The following GALNT3 variants were observed in gnomAD, a reference collection of about 807,000 sequenced individuals.
GALNT3 encodes the protein GalNAc transferase 3.
GALNT3 carries 51 observed loss-of-function variants against 69.8 expected under a neutral mutation model. The observed-to-expected ratio is 0.73, with a 90% CI of 0.58 to 0.92. The LOEUF is 0.92. Ranked by LOEUF, GALNT3 falls within the 40% of genes least tolerant of loss-of-function variation. The pLI is 0.00. For synonymous variants in GALNT3, 265 were observed against 248.5 expected, an observed-to-expected ratio of 1.07 and a Z score of -0.63; for missense variants, 711 against 760.0, an observed-to-expected ratio of 0.94 and a Z score of 0.76.
chr2:165,784,383 A>T (rs1349932664), intron 1 of GALNT3, among the ~76,000 whole-genome samples: 1 of 152,226 alleles, frequency 6.6e-6, no homozygotes, highest in African/African-American at 2.4e-5. Context: ...GCTAAAGGCA[A>T]TTAGGATACC....
intron 1 of GALNT3, among the ~76,000 whole-genome samples, chr2:165,791,597 CTT>C (rs1299292212): frequency 6.6e-6 from 1 of 152,064 alleles, no homozygotes; most frequent in African/African-American, 2.4e-5. Context: ...TTTAAAGAAA[CTT>C]AGTGTTAAGG....
At chr2:165,770,865 C>T (rs1484868994) in intron 1 of GALNT3, 57 bp from the exon 2 acceptor site, 3 of 639,966 alleles carry the variant, frequency 4.7e-6, no homozygotes, top group Non-Finnish European at 7.6e-6. Flanking sequence ...AGGCATGGCT[C>T]AATTCATTCA....
chr2:165,782,420 T>A (rs1043605076), intron 1 of GALNT3, among the ~76,000 whole-genome samples: 9 of 151,822 alleles, frequency 5.9e-5, no homozygotes, highest in African/African-American at 2.2e-4. Flanking sequence ...CATAATGTTT[T>A]AAGACAGTTT....
intron 1 of GALNT3, among the ~76,000 whole-genome samples, chr2:165,780,940 A>T (rs565595519): frequency 6.6e-6 from 1 of 152,304 alleles, no homozygotes; most frequent in African/African-American, 2.4e-5. Flanking sequence ...GGTCCACATG[A>T]TAACCTGACA....
At chr2:165,754,143 G>A (rs1462426192) in intron 9 of GALNT3, among the ~76,000 whole-genome samples, 2 of 150,706 alleles carry the variant, frequency 1.3e-5, no homozygotes, top group African/African-American at 2.4e-5. Flanking sequence ...AGGCTGGACC[G>A]CAATTGTGTG....
chr2:165,770,031 T>C, intron 2 of GALNT3, 155 bp downstream of exon 2: 1 of 863,012 alleles, frequency 1.2e-6, no homozygotes, highest in Admixed American at 2.0e-5. Context: ...CCTCAATCAT[T>C]ATAAGCAAAA....
At chr2:165,764,144 A>AAAAGGG (rs1167576279) in intron 3 of GALNT3, among the ~76,000 whole-genome samples, 3 of 152,188 alleles carry the variant, frequency 2.0e-5, no homozygotes, top group Non-Finnish European at 2.9e-5. Context: ...TTCCAATTTA[A>AAAAGGG]AATGTGTAAT....
At chr2:165,762,412 T>C (rs995965114) in intron 3 of GALNT3, among the ~76,000 whole-genome samples, 51 of 152,186 alleles carry the variant, frequency 3.4e-4, no homozygotes, top group African/African-American at 2.4e-5. Flanking sequence ...GTGAAAGATA[T>C]GGAATTTGGC....
chr2:165,749,435 T>C (rs74892677), intron 10 of GALNT3, among the ~76,000 whole-genome samples: 429 of 152,216 alleles, frequency 2.8e-3, no homozygotes, highest in African/African-American at 0.01. Context: ...AAAATATGAC[T>C]GTTGCTAAAA....
intron 9 of GALNT3, among the ~76,000 whole-genome samples, chr2:165,752,031 TC>T (rs1300266502): frequency 6.6e-6 from 1 of 152,180 alleles, no homozygotes; most frequent in Non-Finnish European, 1.5e-5. Context: ...TCAAAACTCT[TC>T]AATTGTTTCT....
chr2:165,782,111 T>C (rs1683123003), intron 1 of GALNT3, among the ~76,000 whole-genome samples: 1 of 152,194 alleles, frequency 6.6e-6, no homozygotes, highest in Non-Finnish European at 1.5e-5. Context: ...GGGGATGTGA[T>C]AGATATCACA....
chr2:165,787,029 T>C (rs974444338), intron 1 of GALNT3, among the ~76,000 whole-genome samples: 5 of 152,256 alleles, frequency 3.3e-5, no homozygotes, highest in African/African-American at 1.2e-4. Context: ...CATATATTAA[T>C]GTCTGCCTCC....
At chr2:165,794,304 C>G (rs1441607427), upstream of GALNT3, 1 of 152,534 alleles carries the variant, frequency 6.6e-6, no homozygotes, top group Non-Finnish European at 1.5e-5. Flanking sequence ...GCGCCAGCCT[C>G]CCGCCCCGCC....
At chr2:165,784,258 C>T (rs746242244) in intron 1 of GALNT3, among the ~76,000 whole-genome samples, 1 of 151,992 alleles carries the variant, frequency 6.6e-6, no homozygotes, top group Non-Finnish European at 1.5e-5. Flanking sequence ...AAGGGAGAGG[C>T]CCTGATGAGT....
rs757320645 is a variant in GALNT3, at chr2:165,757,218, A to C, written c.1221T>G (p.Ile407Met). 8 of 1,613,970 alleles carry C rather than the reference A, an allele frequency of 5.0e-6. No individual in the cohort carries two copies. The highest frequency in any genetic ancestry group is 5.9e-6 in the Non-Finnish European group (7 of 1,179,952). ...RVWQCGGQLEIMPCSVVGHVF... is the reference protein window; with the variant it reads ...RVWQCGGQLEMMPCSVVGHVF... Reference sequence around the variant, plus strand: ...CATGTCCAACAACAGAGCAAGGCATAATCTCCAACTGCCCACCACATTGCC... The same window carrying C: ...CATGTCCAACAACAGAGCAAGGCATCATCTCCAACTGCCCACCACATTGCC... Residue 407 changes from isoleucine to methionine, a missense_variant, in exon 7 of 11, where the codon ATT becomes ATG. Transcript: ENST00000392701.
intron 9 of GALNT3, among the ~76,000 whole-genome samples, chr2:165,754,296 G>T (rs928184890): frequency 2.0e-5 from 3 of 150,242 alleles, no homozygotes; most frequent in African/African-American, 7.3e-5. Context: ...CACCATATTC[G>T]CCAGGCTGGC....
At chr2:165,784,880 G>A (rs555590890) in intron 1 of GALNT3, among the ~76,000 whole-genome samples, 1 of 152,160 alleles carries the variant, frequency 6.6e-6, no homozygotes, top group African/African-American at 2.4e-5. Context: ...CAAAGGTCAT[G>A]TTCAAAAAGC....
intron 1 of GALNT3, among the ~76,000 whole-genome samples, chr2:165,771,074 T>C (rs1018221674): frequency 5.9e-5 from 9 of 152,106 alleles, no homozygotes; most frequent in Non-Finnish European, 1.2e-4. Flanking sequence ...ATCCACTATA[T>C]ACTATGTATA....
At chr2:165,751,411 G>C (rs1688355355) in intron 9 of GALNT3, among the ~76,000 whole-genome samples, 1 of 152,052 alleles carries the variant, frequency 6.6e-6, no homozygotes, top group East Asian at 1.9e-4. Context: ...TCTTCAGATG[G>C]AAACACAGGA....
Sources: gnomAD v4.1 joint callset for allele counts (sites outside exome capture counted in the v4.1 genomes callset) on GRCh38, gnomAD v4.1.1 for gene constraint, MANE v1.5 for transcripts, NCBI Gene and HGNC (gene_info 2026-07-23, HGNC 2026-07-21) for gene names.